Variants in IGF2BP3 observed in about 807,000 individuals in gnomAD.
The protein encoded by IGF2BP3 is insulin-like growth factor 2 mRNA-binding protein 3.
A neutral mutation model predicts 73.8 loss-of-function variants in IGF2BP3; 9 were observed. That is an observed-to-expected ratio of 0.12 (90% CI 0.07 to 0.21). The LOEUF (loss-of-function observed/expected upper bound fraction) is 0.21. Ranked by LOEUF, IGF2BP3 falls within the 10% of genes least tolerant of loss-of-function variation. The pLI, the probability that IGF2BP3 is intolerant of heterozygous loss-of-function variation, is 1.00. For missense variants in IGF2BP3, 542 were observed against 714.0 expected (o/e 0.76, Z 2.75); for synonymous variants, 258 against 256.7 (o/e 1.01, Z -0.05).
At chr7:23,431,588 A>C (rs1344323182) in intron 2 of IGF2BP3, among the ~76,000 whole-genome samples, 1 of 152,192 alleles carries the variant, frequency 6.6e-6, no homozygotes, top group East Asian at 1.9e-4. Flanking sequence ...TTCCTGCAAC[A>C]GTTAAAAAGA....
intron 2 of IGF2BP3, among the ~76,000 whole-genome samples, chr7:23,438,745 T>C (rs1291426571): frequency 2.0e-5 from 3 of 152,214 alleles, no homozygotes; most frequent in Non-Finnish European, 4.4e-5. Context: ...ATAACCCTAG[T>C]TGTGGTCCTT....
chr7:23,406,569 C>G (rs983137264), intron 3 of IGF2BP3, among the ~76,000 whole-genome samples: 11 of 152,104 alleles, frequency 7.2e-5, no homozygotes, highest in African/African-American at 2.7e-4. Context: ...GTGAGTGTTA[C>G]AGCTCTTAAA....
At position 23,463,698 on chromosome 7, in the gene IGF2BP3, G is replaced by C. The variant is rs75412911; in HGVS notation, c.236+4784C>G. Reference sequence around the variant, plus strand: ...GGCTCCTGGCACATGTCATGTTTCCGTAACATCTTCCTCAGAGTTACTGTG... The same window carrying C: ...GGCTCCTGGCACATGTCATGTTTCCCTAACATCTTCCTCAGAGTTACTGTG... On this transcript the variant is annotated intron_variant, in intron 2 of 14. Transcript: ENST00000258729. 4.5e-3 allele frequency among the ~76,000 whole-genome samples: 682 copies of C among 152,234 alleles called. 1 individual carries two copies. Among genetic ancestry groups the C allele is most frequent in the Non-Finnish European group, 7.3e-3 (499 of 68,034 alleles).
At chr7:23,325,633 G>C (rs1784274196) in intron 10 of IGF2BP3, among the ~76,000 whole-genome samples, 1 of 152,142 alleles carries the variant, frequency 6.6e-6, no homozygotes, top group Admixed American at 6.6e-5. Flanking sequence ...TAAGCCAAAA[G>C]AACAAAGCTG....
Position 23,469,826 on chromosome 7 carries a change from C to G in IGF2BP3, c.175+110G>C. 1.3e-5 allele frequency: 8 copies of G among 634,042 alleles called. No individual in the cohort carries two copies. Among genetic ancestry groups the G allele is most frequent in the Non-Finnish European group, 1.8e-5 (8 of 446,862 alleles). The allele number at this position is 634,042 out of a possible 1,614,324, so 39.3% of individuals were successfully genotyped here. The stretch of plus-strand genomic sequence containing the variant: ...GTGGGTGTGGGCGCTCAGGCCTCAC[C>G]CCCGCTCCCCCAGCGCGCCGGGCCT... On this transcript the variant is annotated intron_variant, in intron 1 of 14. Coordinates refer to ENST00000258729, the MANE Select transcript of IGF2BP3 (RefSeq NM_006547.3). This position sits in a 1 kb window ranked among gnomAD's most constrained non-coding sequence, Gnocchi z 6.1.
At chr7:23,402,431 A>G (rs1436459092) in intron 3 of IGF2BP3, 2 of 152,218 alleles carry the variant, frequency 1.3e-5, no homozygotes, top group Non-Finnish European at 2.9e-5. Flanking sequence ...AGTTAAGTTC[A>G]TTTCCATCAT....
At chr7:23,390,569 T>G (rs1366789527) in intron 3 of IGF2BP3, among the ~76,000 whole-genome samples, 1 of 152,108 alleles carries the variant, frequency 6.6e-6, no homozygotes, top group East Asian at 1.9e-4. Context: ...GCAACCCCAC[T>G]CCAGGACCTC....
intron 2 of IGF2BP3, among the ~76,000 whole-genome samples, chr7:23,459,747 C>G (rs1788401816): frequency 6.6e-6 from 1 of 152,080 alleles, no homozygotes; most frequent in African/African-American, 2.4e-5. Flanking sequence ...AGGAGAATCA[C>G]TTGAACCTGA....
At chr7:23,392,721 C>T (rs1786324797) in intron 3 of IGF2BP3, among the ~76,000 whole-genome samples, 1 of 152,056 alleles carries the variant, frequency 6.6e-6, no homozygotes, top group Non-Finnish European at 1.5e-5. Flanking sequence ...CCTCGACTTC[C>T]CAGGCTCAAG....
At chr7:23,410,928 A>C (rs1344199805) in intron 3 of IGF2BP3, among the ~76,000 whole-genome samples, 1 of 152,184 alleles carries the variant, frequency 6.6e-6, no homozygotes, top group South Asian at 2.1e-4. Context: ...CCTTATCTGT[A>C]AAGTGGGGAC....
intron 3 of IGF2BP3, chr7:23,362,443 C>A (rs1477806492): frequency 6.6e-6 from 1 of 152,120 alleles, no homozygotes; most frequent in African/African-American, 2.4e-5. Context: ...AATACATAGA[C>A]AGCAAAAGTG....
chr7:23,386,125 G>A (rs1786074254), intron 3 of IGF2BP3, among the ~76,000 whole-genome samples: 1 of 152,122 alleles, frequency 6.6e-6, no homozygotes, highest in Non-Finnish European at 1.5e-5. Context: ...TTAGGGGATA[G>A]GTACATGGGG....
At chr7:23,439,675 C>A (rs1787886924) in intron 2 of IGF2BP3, among the ~76,000 whole-genome samples, 1 of 151,058 alleles carries the variant, frequency 6.6e-6, no homozygotes, top group Non-Finnish European at 1.5e-5. Flanking sequence ...ATGAGTTTAA[C>A]ACGTAACCAA....
chr7:23,395,548 G>A (rs759740760), intron 3 of IGF2BP3, among the ~76,000 whole-genome samples: 11 of 151,926 alleles, frequency 7.2e-5, no homozygotes, highest in Non-Finnish European at 1.0e-4. Context: ...GACAGCTTGA[G>A]CCCAGGAATT....
chr7:23,356,999 T>C (rs1402213470), intron 5 of IGF2BP3, among the ~76,000 whole-genome samples: 3 of 152,212 alleles, frequency 2.0e-5, no homozygotes, highest in Admixed American at 2.0e-4. Flanking sequence ...GAATGATCTT[T>C]GTAATTCTGA....
At chr7:23,459,574 T>A (rs1788396656) in intron 2 of IGF2BP3, among the ~76,000 whole-genome samples, 1 of 152,088 alleles carries the variant, frequency 6.6e-6, no homozygotes, top group African/African-American at 2.4e-5. Context: ...GACTCAAGCC[T>A]GTAATTCCAG....
Position 23,351,322 on chromosome 7 carries a change from G to C in IGF2BP3, c.666C>G (p.Thr222=). Residue 222 remains threonine (T), a synonymous_variant, in exon 6 of 15, where the codon ACC becomes ACG. Transcript: ENST00000258729. ...GKEGATIRNI[T]KQTQSKIDVH... ...ATACTCACTTAGACTGGGTCTGTTT[G>C]GTGATGTTCCGAATGGTGGCACCTT... 6.2e-7 allele frequency: 1 copy of C among 1,613,848 alleles called. No individual in the cohort carries two copies. Among genetic ancestry groups the C allele is most frequent in the Non-Finnish European group, 8.5e-7 (1 of 1,179,850 alleles).
chr7:23,407,972 G>T (rs1013156136), intron 3 of IGF2BP3, among the ~76,000 whole-genome samples: 7 of 96,022 alleles, frequency 7.3e-5, no homozygotes, highest in South Asian at 3.9e-4. Context: ...GGGGGGGGGG[G>T]AGTCAATGTA....
intron 10 of IGF2BP3, among the ~76,000 whole-genome samples, chr7:23,325,653 C>T (rs1784274577): frequency 6.6e-6 from 1 of 152,174 alleles, no homozygotes; most frequent in Non-Finnish European, 1.5e-5. Context: ...GGAGGCATCA[C>T]ACTACCTGAC....
Sources: allele counts gnomAD v4.1 joint callset (sites outside exome capture counted in the v4.1 genomes callset), GRCh38; gene constraint gnomAD v4.1.1; non-coding constraint Gnocchi (gnomAD v3.1); transcripts MANE v1.5; gene names NCBI Gene and HGNC (gene_info 2026-07-23, HGNC 2026-07-21).